Variants in COL11A1 observed in about 807,000 individuals in gnomAD.
COL11A1 encodes collagen type XI alpha 1 chain.
A neutral mutation model predicts 265.2 loss-of-function variants in COL11A1; 74 were observed. That is an observed-to-expected ratio of 0.28 (90% confidence interval 0.23 to 0.34). COL11A1 has a LOEUF of 0.34. Ranked by LOEUF, COL11A1 falls within the 10% of genes least tolerant of loss-of-function variation. The pLI, the probability that COL11A1 is intolerant of heterozygous loss-of-function variation, is 1.00. For synonymous variants in COL11A1, 816 were observed against 727.6 expected, an observed-to-expected ratio of 1.12 and a Z score of -1.96; for missense variants, 2,165 against 2,263.6, an observed-to-expected ratio of 0.96 and a Z score of 0.88.
rs188934217 is a variant in COL11A1 at position 102,903,446 on chromosome 1, A to T, written c.4087-4452T>A. Among the ~76,000 whole-genome samples the T allele has an allele frequency of 7.9e-5, 12 of 152,156 alleles. No homozygotes were observed. The East Asian group carries it at 2.3e-3, about 29-fold the overall frequency. On this transcript the variant is annotated intron_variant, in intron 54 of 66. Coordinates refer to ENST00000370096, the MANE Select transcript of COL11A1 (RefSeq NM_001854.4). The stretch of plus-strand genomic sequence containing the variant: ...TGCTACTTCCGCCATAAGATATTAT[A>T]AAAAAAATTGTGGCTTTTTTATTGT...
At chr1:102,924,053 C>CAAAAA (rs577410207) in intron 46 of COL11A1, among the ~76,000 whole-genome samples, 5 of 106,780 alleles carry the variant, frequency 4.7e-5, no homozygotes, top group African/African-American at 1.5e-4. Flanking sequence ...ACTAAAAATA[C>CAAAAA]AAAAAAAAAA....
chr1:103,006,245 A>G lies in COL11A1; in HGVS notation c.1737+17T>C. ...ATGGCAGATGCCTTCAAAATGCACA[A>G]TGAAAATAAGCCATACCCTTTTTCC... On this transcript the variant is annotated intron_variant, in intron 16 of 66. Coordinates refer to ENST00000370096, the MANE Select transcript of COL11A1 (RefSeq NM_001854.4). The G allele has an allele frequency of 1.2e-6, 2 of 1,602,572 alleles. No homozygotes were observed. The highest frequency in any genetic ancestry group is 2.3e-5 in the East Asian group (1 of 43,912).
In COL11A1 at chr1:103,001,960, C is replaced by A; in HGVS notation, c.2107G>T (p.Gly703Cys). 1 of 1,612,932 alleles carries A rather than the reference C, an allele frequency of 6.2e-7. No homozygotes were observed. The highest frequency in any genetic ancestry group is 1.1e-5 in the South Asian group (1 of 91,060). ...QGNPGPQGLP[G>C]PQGPIGPPGE... is the part of the protein sequence containing the mutation. ...GGAGGACCAATTGGACCTTGTGGAC[C>A]AGGAAGACCCTATTTTAAAAGAATT... Residue 703 changes from glycine to cysteine, a missense_variant, in exon 24 of 67, where the codon GGT becomes TGT. By Grantham distance (159) the Gly-to-Cys change is radical. Coordinates refer to ENST00000370096, the MANE Select transcript of COL11A1 (RefSeq NM_001854.4).
intron 18 of COL11A1, among the ~76,000 whole-genome samples, chr1:103,005,147 A>G (rs1365643417): frequency 6.6e-6 from 1 of 152,054 alleles, no homozygotes; most frequent in Non-Finnish European, 1.5e-5. Context: ...GACACATACT[A>G]TATGTTCTGT....
chr1:102,971,485 TTAA>T (rs1661976074), intron 36 of COL11A1, among the ~76,000 whole-genome samples: 1 of 152,184 alleles, frequency 6.6e-6, no homozygotes, highest in Admixed American at 6.5e-5. Flanking sequence ...AATGATTCTT[TTAA>T]TAATAATATT....
chr1:102,964,686 C>A (rs868076250), intron 38 of COL11A1, among the ~76,000 whole-genome samples: 1 of 151,440 alleles, frequency 6.6e-6, no homozygotes, highest in African/African-American at 2.4e-5. Context: ...GTGTTGAGAA[C>A]TATTTAGAGA....
chr1:102,912,440 A>G (rs924264533), intron 53 of COL11A1, among the ~76,000 whole-genome samples: 2 of 152,208 alleles, frequency 1.3e-5, no homozygotes, highest in African/African-American at 4.8e-5. Flanking sequence ...AAAGTGAATC[A>G]AATTCTCTTT....
At position 103,033,786 on chromosome 1, in the gene COL11A1, T is replaced by C. The variant is rs184059471; in HGVS notation, c.652-2542A>G. Among the ~76,000 whole-genome samples, 133 of 152,212 alleles carry C rather than the reference T, an allele frequency of 8.7e-4. 1 individual carries two copies. The highest frequency in any genetic ancestry group is 1.3e-3 in the Non-Finnish European group (89 of 67,964). On this transcript the variant is annotated intron_variant, in intron 4 of 66. Transcript: ENST00000370096. ...CTTTATTAGTGAACATTCTTTTAAA[T>C]ATGGGAATGTCTTAATTTTTCTTTG...
intron 33 of COL11A1, 25 bp from the exon 34 acceptor site, chr1:102,978,938 C>T: frequency 6.2e-7 from 1 of 1,614,008 alleles, no homozygotes; most frequent in Non-Finnish European, 8.5e-7. Context: ...AAAAGATGAA[C>T]CCAAACTAAT....
chr1:103,063,075 T>TA (rs2102210327), intron 4 of COL11A1, among the ~76,000 whole-genome samples: 1 of 152,070 alleles, frequency 6.6e-6, no homozygotes, highest in African/African-American at 2.4e-5. Context: ...CGAACAACTT[T>TA]AAAAATAAAA....
At chr1:102,923,413 A>C (rs1231013517) in intron 46 of COL11A1, 24 bp from the exon 47 acceptor site, 1 of 1,558,592 alleles carries the variant, frequency 6.4e-7, no homozygotes, top group Non-Finnish European at 8.7e-7. Flanking sequence ...ATAGAAAAAT[A>C]ATAAAAGTCA....
At chr1:102,942,940 A>G (rs1275676900) in intron 42 of COL11A1, among the ~76,000 whole-genome samples, 1 of 152,092 alleles carries the variant, frequency 6.6e-6, no homozygotes, top group Non-Finnish European at 1.5e-5. Context: ...TTCTTTTCAG[A>G]GTTGAGAAAA....
At chr1:102,903,944 C>A (rs936023629) in intron 54 of COL11A1, among the ~76,000 whole-genome samples, 1 of 152,154 alleles carries the variant, frequency 6.6e-6, no homozygotes, top group Non-Finnish European at 1.5e-5. Flanking sequence ...CTCACTGCAG[C>A]CTCGAACTCC....
At position 103,017,858 on chromosome 1, in the gene COL11A1, G is replaced by T; in HGVS notation, c.1375C>A (p.Gln459Lys). The T allele has an allele frequency of 2.5e-6, 4 of 1,613,092 alleles. No individual in the cohort carries two copies. The highest frequency in any genetic ancestry group is 3.4e-6 in the Non-Finnish European group (4 of 1,179,218). The change falls in exon 11 of 67, where the codon CAA becomes AAA. Residue 459 changes from glutamine (Q) to lysine (K), a missense_variant. Transcript: ENST00000370096. ...PAGIMGPPGLQGPTGPPGDPG... is the reference protein window; with the variant it reads ...PAGIMGPPGLKGPTGPPGDPG... ...TCACCAGGGGGTCCAGTGGGGCCTT[G>T]TAGACCTGGAGGACCCATAATACCC... is the stretch of plus-strand genomic sequence containing the variant.
At chr1:102,927,637 C>T (rs984391207) in intron 46 of COL11A1, among the ~76,000 whole-genome samples, 1 of 150,536 alleles carries the variant, frequency 6.6e-6, no homozygotes. Context: ...CGTGAGACGC[C>T]GTCTCAAAAA....
chr1:102,980,014 T>G (rs1662890515), intron 31 of COL11A1, among the ~76,000 whole-genome samples: 1 of 152,148 alleles, frequency 6.6e-6, no homozygotes, highest in Non-Finnish European at 1.5e-5. Context: ...ACCCAAGCAT[T>G]AAAACTCTGT....
chr1:102,927,153 A>T (rs1242296147), intron 46 of COL11A1, among the ~76,000 whole-genome samples: 1 of 151,938 alleles, frequency 6.6e-6, no homozygotes, highest in East Asian at 1.9e-4. Flanking sequence ...TAAAGATACA[A>T]ATTTTTTATA....
chr1:102,930,238 T>C (rs1657228775), intron 46 of COL11A1, among the ~76,000 whole-genome samples: 1 of 151,738 alleles, frequency 6.6e-6, no homozygotes. Flanking sequence ...TTGTCATAGA[T>C]AGCTCTTATT....
At chr1:102,946,978 AT>A in intron 41 of COL11A1, 22 bp from the exon 42 acceptor site, 1 of 1,578,904 alleles carries the variant, frequency 6.3e-7, no homozygotes, top group Non-Finnish European at 8.7e-7. Flanking sequence ...GAAAAGAAGT[AT>A]TTTGTTATTA....
Sources: allele counts gnomAD v4.1 joint callset (sites outside exome capture counted in the v4.1 genomes callset), GRCh38; gene constraint gnomAD v4.1.1; transcripts MANE v1.5; gene names NCBI Gene and HGNC (gene_info 2026-07-23, HGNC 2026-07-21).